The following PLCB4 variants were observed in gnomAD, a reference collection of about 807,000 sequenced individuals.
The protein encoded by PLCB4 is phospholipase C beta 4, also known as 1-phosphatidylinositol 4,5-bisphosphate phosphodiesterase beta-4.
PLCB4 carries 77 observed loss-of-function variants against 178.8 expected under a neutral mutation model. The ratio of observed to expected loss-of-function variants is 0.43; its 90% CI spans 0.36 to 0.52. The LOEUF (loss-of-function observed/expected upper bound fraction) is 0.52. Ranked by LOEUF, PLCB4 falls within the 20% of genes least tolerant of loss-of-function variation. PLCB4 has a pLI of 0.00. For missense variants in PLCB4, 1,024 were observed against 1,453.4 expected (o/e 0.70, Z 4.80); for synonymous variants, 496 against 490.8 (o/e 1.01, Z -0.14).
intron 23 of PLCB4, 37 bp downstream of exon 23, chr20:9,408,754 C>CA (rs1228992556): frequency 8.8e-7 from 1 of 1,137,596 alleles, no homozygotes; most frequent in South Asian, 1.2e-5. Flanking sequence ...GTGGTTGACT[C>CA]ACGTTGGTTT....
At chr20:9,356,338 C>G (rs1252356524) in intron 7 of PLCB4, among the ~76,000 whole-genome samples, 2 of 152,136 alleles carry the variant, frequency 1.3e-5, no homozygotes, top group Non-Finnish European at 2.9e-5. Context: ...TTTATAGACT[C>G]ATAAGAGGAA....
At chr20:9,413,540 T>A (rs541417442) in intron 25 of PLCB4, among the ~76,000 whole-genome samples, 32 of 151,626 alleles carry the variant, frequency 2.1e-4, no homozygotes, top group Non-Finnish European at 4.4e-4. Context: ...GCACCTGTAG[T>A]CCCAGCTACT....
At chr20:9,222,066 A>G (rs140325512) in intron 3 of PLCB4, among the ~76,000 whole-genome samples, 55 of 105,374 alleles carry the variant, frequency 5.2e-4, no homozygotes, top group African/African-American at 3.4e-3. Context: ...ATTTTATTTT[A>G]TTTTATTTTA....
chr20:9,314,872 A>ATT (rs113478542), intron 4 of PLCB4, among the ~76,000 whole-genome samples: 6 of 141,256 alleles, frequency 4.2e-5, no homozygotes, highest in East Asian at 2.1e-4. Context: ...GGGTAGAGGA[A>ATT]TTTTTTTTTT....
At chr20:9,398,974 T>C (rs561176732) in intron 19 of PLCB4, among the ~76,000 whole-genome samples, 1 of 152,274 alleles carries the variant, frequency 6.6e-6, no homozygotes, top group South Asian at 2.1e-4. Context: ...AGGAATATGG[T>C]GAAAACATAG....
intron 2 of PLCB4, among the ~76,000 whole-genome samples, chr20:9,155,165 T>C (rs889642891): frequency 1.3e-5 from 2 of 150,090 alleles, no homozygotes; most frequent in Non-Finnish European, 3.0e-5. Context: ...TGCTTACTTA[T>C]AGCTTAGCTC....
At chr20:9,190,019 T>A (rs935170475) in intron 2 of PLCB4, among the ~76,000 whole-genome samples, 2 of 152,282 alleles carry the variant, frequency 1.3e-5, no homozygotes, top group South Asian at 2.1e-4. Context: ...TTGGCAAATG[T>A]CCTCGGAGGC....
chr20:9,366,171 C>A (rs1568662024), intron 9 of PLCB4, among the ~76,000 whole-genome samples: 1 of 151,634 alleles, frequency 6.6e-6, no homozygotes. Context: ...GGGTGGATCA[C>A]AGGTCAGGAG....
intron 1 of PLCB4, among the ~76,000 whole-genome samples, chr20:9,073,175 A>G (rs2089657664): frequency 6.6e-6 from 1 of 152,198 alleles, no homozygotes; most frequent in Non-Finnish European, 1.5e-5. Context: ...TGGCTCCCAG[A>G]CATGAGTGAA....
chr20:9,444,146 A>G (rs771024799), intron 31 of PLCB4, 32 bp from the exon 32 acceptor site: 32 of 1,539,134 alleles, frequency 2.1e-5, no homozygotes, highest in Middle Eastern at 1.7e-4. Context: ...AAAAACAAAA[A>G]ACCTATTTTT....
chr20:9,469,984 G>T (rs773995626), intron 36 of PLCB4, among the ~76,000 whole-genome samples: 13 of 152,138 alleles, frequency 8.5e-5, no homozygotes, highest in Non-Finnish European at 1.8e-4. Context: ...TCTTTTGGGG[G>T]AATAATACCT....
chr20:9,094,233 G>T (rs1477264537), intron 1 of PLCB4, among the ~76,000 whole-genome samples: 1 of 151,810 alleles, frequency 6.6e-6, no homozygotes, highest in African/African-American at 2.4e-5. Flanking sequence ...TTGAAAGCAG[G>T]ATACCTAAAA....
chr20:9,238,414 C>A (rs112618958), intron 3 of PLCB4, among the ~76,000 whole-genome samples: 1 of 152,146 alleles, frequency 6.6e-6, no homozygotes, highest in Non-Finnish European at 1.5e-5. Context: ...TGACCCCCCC[C>A]CGAGGGACAC....
chr20:9,452,065 A>G (rs1346260728), intron 32 of PLCB4, among the ~76,000 whole-genome samples: 2 of 152,162 alleles, frequency 1.3e-5, no homozygotes, highest in Admixed American at 1.3e-4. Context: ...TATGTTGGGA[A>G]TCTCCCTATC....
At chr20:9,214,141 G>A (rs1485607398) in intron 2 of PLCB4, among the ~76,000 whole-genome samples, 1 of 151,816 alleles carries the variant, frequency 6.6e-6, no homozygotes, top group Non-Finnish European at 1.5e-5. Flanking sequence ...TTTTTCTTTT[G>A]TTCTTCATGC....
intron 2 of PLCB4, among the ~76,000 whole-genome samples, chr20:9,162,987 A>G (rs964185339): frequency 1.3e-5 from 2 of 152,064 alleles, no homozygotes; most frequent in East Asian, 3.9e-4. Flanking sequence ...TATTCTTACC[A>G]TGGCCAATTT....
At chr20:9,445,278 A>G (rs909342872) in intron 32 of PLCB4, among the ~76,000 whole-genome samples, 10 of 152,256 alleles carry the variant, frequency 6.6e-5, no homozygotes, top group Non-Finnish European at 1.3e-4. Context: ...AAGGGCAATG[A>G]GAGCAAGAGA....
At chr20:9,245,638 G>A (rs2094116586) in intron 3 of PLCB4, among the ~76,000 whole-genome samples, 1 of 152,018 alleles carries the variant, frequency 6.6e-6, no homozygotes, top group Non-Finnish European at 1.5e-5. Context: ...GCAAGAAATG[G>A]AGTCTCCCCC....
intron 28 of PLCB4, among the ~76,000 whole-genome samples, chr20:9,431,441 A>C (rs1359121647): frequency 2.0e-5 from 3 of 151,908 alleles, no homozygotes; most frequent in Non-Finnish European, 4.4e-5. Context: ...AACCTACTCC[A>C]CCCTCTTAAT....
Sources: gnomAD v4.1 joint callset for allele counts (sites outside exome capture counted in the v4.1 genomes callset) on GRCh38, gnomAD v4.1.1 for gene constraint, MANE v1.5 for transcripts, NCBI Gene and HGNC (gene_info 2026-07-23, HGNC 2026-07-21) for gene names.